JMJD1C: variants seen among roughly 807,000 people sequenced by gnomAD.
JMJD1C encodes jumonji domain-containing protein 1C.
In JMJD1C, 31 loss-of-function variants were observed where a neutral mutation model predicts 245.3. The ratio of observed to expected loss-of-function variants is 0.13; its 90% confidence interval spans 0.09 to 0.17. The LOEUF (loss-of-function observed/expected upper bound fraction) is 0.17, where lower values mean the gene tolerates loss of function less well. JMJD1C is among the 10% of genes least tolerant of loss of function. The probability of loss-of-function intolerance (pLI) is 1.00; values close to 1 mark genes in which losing one functional copy is unlikely to be tolerated. For missense variants in JMJD1C, 2,691 were observed against 3,000.2 expected (o/e 0.90, Z 2.41); for synonymous variants, 1,057 against 1,017.4 (o/e 1.04, Z -0.74).
At chr10:63,375,892 C>T (rs1192370103) in intron 2 of JMJD1C, among the ~76,000 whole-genome samples, 1 of 151,872 alleles carries the variant, frequency 6.6e-6, no homozygotes, top group Admixed American at 6.6e-5. Flanking sequence ...TCAATTCAAT[C>T]CCTATCAAAA....
At chr10:63,505,673 T>G (rs1954696233) in intron 1 of JMJD1C, among the ~76,000 whole-genome samples, 1 of 152,056 alleles carries the variant, frequency 6.6e-6, no homozygotes. Context: ...TGAGAATGTT[T>G]GTTCAAGAAG....
intron 1 of JMJD1C, among the ~76,000 whole-genome samples, chr10:63,381,463 T>C (rs923641563): frequency 1.3e-5 from 2 of 152,066 alleles, no homozygotes; most frequent in Non-Finnish European, 2.9e-5. Context: ...CAGTGAGCTA[T>C]GATAGCTACA....
chr10:63,193,255 AC>A, intron 15 of JMJD1C, 89 bp downstream of exon 15: 1 of 1,468,776 alleles, frequency 6.8e-7, no homozygotes. Flanking sequence ...CCTAATTCAT[AC>A]ATAAGTCCTA....
chr10:63,507,338 A>G (rs1954748501), intron 1 of JMJD1C, among the ~76,000 whole-genome samples: 1 of 152,118 alleles, frequency 6.6e-6, no homozygotes, highest in African/African-American at 2.4e-5. Context: ...AAACTGCCAA[A>G]CCGTCTTTAA....
At chr10:63,455,928 C>T (rs899144506) in intron 1 of JMJD1C, among the ~76,000 whole-genome samples, 2 of 151,974 alleles carry the variant, frequency 1.3e-5, no homozygotes, top group Non-Finnish European at 2.9e-5. Context: ...CTGAGAAAAT[C>T]GAGGCAAATT....
At chr10:63,504,227 C>T (rs1007881949) in intron 1 of JMJD1C, among the ~76,000 whole-genome samples, 2 of 152,174 alleles carry the variant, frequency 1.3e-5, no homozygotes, top group African/African-American at 4.8e-5. Context: ...GAGACTACTA[C>T]AATAAAACAG....
At chr10:63,298,322 C>T (rs1383826576) in intron 2 of JMJD1C, among the ~76,000 whole-genome samples, 1 of 152,194 alleles carries the variant, frequency 6.6e-6, no homozygotes, top group Admixed American at 6.5e-5. Flanking sequence ...GAATTTCCAG[C>T]TGGTGAAGTG....
intron 1 of JMJD1C, among the ~76,000 whole-genome samples, chr10:63,446,845 T>C (rs1264791094): frequency 6.6e-6 from 1 of 152,154 alleles, no homozygotes; most frequent in African/African-American, 2.4e-5. Context: ...CAAGTCATAA[T>C]AGGAGTCAAC....
rs748977652 is a variant in JMJD1C at position 63,206,944 on chromosome 10, T to G, written c.4725A>C (p.Val1575=). 4.3e-6 allele frequency: 7 copies of G among 1,612,426 alleles called. No individual in the cohort carries two copies. In the South Asian group the frequency reaches 7.7e-5, roughly 18 times the overall value. ...TNKMENSGNS[V]SEIIKPCSVN... is the part of the protein sequence containing the mutation. Reference sequence around the variant, plus strand: ...CAGAACATGGCTTAATAATTTCTGATACAGAATTCCCTGAATTTTCCATTT... The same window carrying G: ...CAGAACATGGCTTAATAATTTCTGAGACAGAATTCCCTGAATTTTCCATTT... The change falls in exon 10 of 26, where the codon GTA becomes GTC. Residue 1575 remains valine (V), a synonymous_variant. Transcript: ENST00000399262.
chr10:63,276,132 T>A (rs2133856243), intron 2 of JMJD1C, among the ~76,000 whole-genome samples: 1 of 152,148 alleles, frequency 6.6e-6, no homozygotes, highest in Non-Finnish European at 1.5e-5. Context: ...CATTAACTGG[T>A]AGTCTTTGAA....
chr10:63,502,914 GAAT>G (rs1282624507), intron 1 of JMJD1C, among the ~76,000 whole-genome samples: 10 of 152,058 alleles, frequency 6.6e-5, no homozygotes, highest in African/African-American at 2.2e-4. Flanking sequence ...AATAAAAACA[GAAT>G]AATGGGTAAC....
chr10:63,226,435 G>A (rs973430881), intron 3 of JMJD1C, among the ~76,000 whole-genome samples: 4 of 151,968 alleles, frequency 2.6e-5, no homozygotes, highest in African/African-American at 9.7e-5. Context: ...TAATGGGGCC[G>A]GGTGCGGTGG....
At chr10:63,399,622 A>G (rs1237168547) in intron 1 of JMJD1C, among the ~76,000 whole-genome samples, 1 of 152,154 alleles carries the variant, frequency 6.6e-6, no homozygotes, top group Non-Finnish European at 1.5e-5. Context: ...TACTAACACT[A>G]TGATTAAATG....
chr10:63,259,211 A>G (rs1854376291), intron 3 of JMJD1C, among the ~76,000 whole-genome samples: 2 of 152,214 alleles, frequency 1.3e-5, no homozygotes, highest in African/African-American at 4.8e-5. Flanking sequence ...CTCTATCAAC[A>G]AGATTTCAAA....
At chr10:63,452,053 A>G (rs770503812) in intron 1 of JMJD1C, among the ~76,000 whole-genome samples, 1 of 152,212 alleles carries the variant, frequency 6.6e-6, no homozygotes, top group Non-Finnish European at 1.5e-5. Context: ...GGGAAATGAC[A>G]CCAAAAGCAC....
At chr10:63,296,152 G>A (rs1859412765) in intron 2 of JMJD1C, among the ~76,000 whole-genome samples, 1 of 150,302 alleles carries the variant, frequency 6.7e-6, no homozygotes, top group South Asian at 2.1e-4. Context: ...GGGATTACAG[G>A]CATGCACCAC....
intron 2 of JMJD1C, among the ~76,000 whole-genome samples, chr10:63,283,107 A>G (rs1314697814): frequency 1.3e-5 from 2 of 152,216 alleles, no homozygotes; most frequent in Admixed American, 6.5e-5. Flanking sequence ...TGGGAAAGAA[A>G]AAAGTTAAGG....
chr10:63,300,284 T>C (rs1481086464), intron 2 of JMJD1C, among the ~76,000 whole-genome samples: 3 of 152,074 alleles, frequency 2.0e-5, no homozygotes, highest in Admixed American at 6.6e-5. Context: ...TATCCTCCCA[T>C]AGTAAGTCAG....
rs763363754 is a variant in JMJD1C at position 63,214,875 on chromosome 10, T to A, written c.1292A>T (p.Gln431Leu). 1 of 1,613,992 alleles carries A rather than the reference T, an allele frequency of 6.2e-7. No individual in the cohort carries two copies. The highest frequency in any genetic ancestry group is 1.7e-5 in the Admixed American group (1 of 60,026). Residue 431 changes from glutamine (Q) to leucine (L), a missense_variant, in exon 8 of 26, where the codon CAG becomes CTG. Gln to Leu is a moderately radical substitution (Grantham distance 113, BLOSUM62 -2). Around this residue, in one of 9 missense-constraint regions of JMJD1C, gnomAD observed 1,562 missense variants for 1,490.7 expected, o/e 1.05. Transcript: ENST00000399262. Reference sequence around the variant, plus strand: ...TTCCTGTATTTGATCCCAGGGAGGCTGGCTATTTTTTAGGGTCTCTTCTCC... The same window carrying A: ...TTCCTGTATTTGATCCCAGGGAGGCAGGCTATTTTTTAGGGTCTCTTCTCC... Reference protein sequence around the residue: ...KAGEETLKNSQPPWDQIQEDK... With the variant: ...KAGEETLKNSLPPWDQIQEDK...
Sources: allele counts gnomAD v4.1 joint callset (sites outside exome capture counted in the v4.1 genomes callset), GRCh38; gene constraint gnomAD v4.1.1; regional missense constraint gnomAD v4.1.1; transcripts MANE v1.5; gene names NCBI Gene and HGNC (gene_info 2026-07-23, HGNC 2026-07-21).